LMNB2: variants seen among roughly 807,000 people sequenced by gnomAD.
LMNB2 encodes lamin B2, also known as lamin-B2.
Under a neutral mutation model 69.3 loss-of-function variants are expected in LMNB2, and 17 were observed. The observed-to-expected ratio is 0.25, with a 90% CI of 0.17 to 0.37. LMNB2 has a LOEUF of 0.37. Among genes scored for constraint, LMNB2 ranks in the 10% least tolerant of loss-of-function variants. The probability of loss-of-function intolerance (pLI) is 1.00; values close to 1 mark genes in which losing one functional copy is unlikely to be tolerated. For synonymous variants in LMNB2, 397 were observed against 389.3 expected (o/e 1.02, Z -0.23); for missense variants, 789 against 883.6 (o/e 0.89, Z 1.36).
chr19:2,448,265 C>T (rs1228565698), intron 1 of LMNB2, among the ~76,000 whole-genome samples: 1 of 152,122 alleles, frequency 6.6e-6, no homozygotes, highest in Non-Finnish European at 1.5e-5. Context: ...TCTGCCTCTC[C>T]CTCAAAGCTC....
intron 1 of LMNB2, among the ~76,000 whole-genome samples, chr19:2,445,077 C>A (rs1971940073): frequency 6.6e-6 from 1 of 152,154 alleles, no homozygotes; most frequent in African/African-American, 2.4e-5. Flanking sequence ...TCCCGCTGGG[C>A]ACCATGGACA....
intron 2 of LMNB2, among the ~76,000 whole-genome samples, chr19:2,440,202 T>C (rs1485711299): frequency 6.6e-6 from 1 of 151,694 alleles, no homozygotes; most frequent in Non-Finnish European, 1.5e-5. Context: ...CTTTTTTTTT[T>C]TTTTTGAGAT....
chr19:2,439,735 G>A (rs1971871931), intron 2 of LMNB2, among the ~76,000 whole-genome samples: 1 of 150,884 alleles, frequency 6.6e-6, no homozygotes, highest in African/African-American at 2.4e-5. Flanking sequence ...TCTCCCTAGA[G>A]CCTTTTTTTT....
intron 1 of LMNB2, among the ~76,000 whole-genome samples, chr19:2,454,901 T>C (rs534709817): frequency 3.9e-5 from 6 of 152,160 alleles, no homozygotes; most frequent in Admixed American, 3.3e-4. Context: ...TCATGTCCCC[T>C]TGGTGGGCAG....
At chr19:2,456,224 G>T (rs1481496728) in intron 1 of LMNB2, among the ~76,000 whole-genome samples, 2 of 149,018 alleles carry the variant, frequency 1.3e-5, no homozygotes, top group African/African-American at 5.0e-5. Context: ...GGTTCCCCGC[G>T]ACTGGGAGCC....
chr19:2,438,681 G>A (rs555591956), intron 2 of LMNB2, 150 bp from the exon 3 acceptor site: 59 of 930,476 alleles, frequency 6.3e-5, no homozygotes, highest in African/African-American at 5.7e-4. Context: ...GCGGCCCCAC[G>A]CGCCCAGGCA....
intron 9 of LMNB2, 21 bp from the exon 10 acceptor site, chr19:2,431,923 G>T: frequency 1.2e-6 from 2 of 1,603,814 alleles, no homozygotes; most frequent in African/African-American, 1.3e-5. Flanking sequence ...AATAACAATG[G>T]CCCCATCAGG....
At chr19:2,431,703 G>C (rs773901398) in intron 10 of LMNB2, 45 bp from the exon 11 acceptor site, 3 of 1,613,788 alleles carry the variant, frequency 1.9e-6, no homozygotes, top group African/African-American at 2.7e-5. Context: ...ATCGGGCCCA[G>C]AGCTGCTGTG....
In LMNB2 at chr19:2,432,407, A is replaced by T; in HGVS notation, c.1590+9T>A. The T allele has an allele frequency of 1.5e-6, 2 of 1,340,274 alleles. No homozygotes were observed. The highest frequency in any genetic ancestry group is 2.0e-6 in the Non-Finnish European group (2 of 1,025,410). The allele number at this position is 1,340,274 out of a possible 1,614,324, so 83.0% of individuals were successfully genotyped here. A position where few individuals can be genotyped will look rare whatever the true frequency, so the allele number is the denominator to read the frequency against. On this transcript the variant is annotated intron_variant, in intron 9 of 11. Coordinates refer to ENST00000325327, the MANE Select transcript of LMNB2 (RefSeq NM_032737.4). ...GTGGCCACCCTCGCCCTCCTGCCCC[A>T]CCACCTACCGTGACCATCTGGCCGG... is the stretch of plus-strand genomic sequence containing the variant.
At position 2,432,572 on chromosome 19, in the gene LMNB2, C is replaced by G. The variant is rs756853182; in HGVS notation, c.1483-49G>C. The G allele has an allele frequency of 3.4e-6, 5 of 1,469,564 alleles. No homozygotes were observed. The South Asian group carries it at 5.7e-5, about 17-fold the overall frequency. The allele number at this position is 1,469,564 out of a possible 1,614,324, so 91.0% of individuals were successfully genotyped here. ...ACCCTCAGCCACCAGGACTGTGACA[C>G]CGCCCCCATCGCCCTGGCTGGTGGC... On this transcript the variant is annotated intron_variant, in intron 8 of 11. Transcript: ENST00000325327.
At chr19:2,438,687 A>C (rs1230846009) in intron 2 of LMNB2, among the ~76,000 whole-genome samples, 156 bp from the exon 3 acceptor site, 1 of 152,192 alleles carries the variant, frequency 6.6e-6, no homozygotes, top group Non-Finnish European at 1.5e-5. Context: ...CCACGCGCCC[A>C]GGCAAAGGCA....
chr19:2,451,385 C>T (rs1024430433), intron 1 of LMNB2, among the ~76,000 whole-genome samples: 3 of 152,240 alleles, frequency 2.0e-5, no homozygotes, highest in Non-Finnish European at 4.4e-5. Context: ...TGGGCTAAGG[C>T]AGCTTTCATC....
intron 1 of LMNB2, among the ~76,000 whole-genome samples, 195 bp from the exon 2 acceptor site, chr19:2,444,735 A>G (rs1971934730): frequency 6.6e-6 from 1 of 152,156 alleles, no homozygotes; most frequent in Admixed American, 6.5e-5. Flanking sequence ...CCTGTCGGGG[A>G]GGGTCCGGTA....
In LMNB2 at chr19:2,433,966, C is replaced by T. The variant is rs376707935; in HGVS notation, c.1342G>A (p.Gly448Ser). Residue 448 changes from glycine (G) to serine (S), a missense_variant, in exon 8 of 12, where the codon GGC (glycine) becomes AGC (serine). Gly to Ser is a moderately conservative substitution (Grantham distance 56). Transcript: ENST00000325327. The stretch of plus-strand genomic sequence containing the variant: ...GTGCCCGTGCCCAGGACGCTTGGGC[C>T]GCTGCCCAAGGGCTCCTCCACCTCC... The part of the protein sequence containing the change: ...RLEVEEPLGS[G>S]PSVLGTGTGG... 16 of 1,611,218 alleles carry T rather than the reference C, an allele frequency of 9.9e-6. 1 individual carries two copies. Among genetic ancestry groups the T allele is most frequent in the East Asian group, 8.9e-5 (4 of 44,870 alleles).
chr19:2,436,155 C>T (rs1200914594), intron 4 of LMNB2, among the ~76,000 whole-genome samples: 1 of 152,034 alleles, frequency 6.6e-6, no homozygotes, highest in Admixed American at 6.5e-5. Flanking sequence ...TGGTGGCACC[C>T]GCCTATAATC....
At position 2,433,915 on chromosome 19, in the gene LMNB2, C is replaced by T. The variant is rs767288159; in HGVS notation, c.1393G>A (p.Ala465Thr). 2 of 1,612,148 alleles carry T rather than the reference C, an allele frequency of 1.2e-6. No individual in the cohort carries two copies. The highest frequency in any genetic ancestry group is 1.7e-6 in the Non-Finnish European group (2 of 1,179,416). ...GTGGSGGFHLAQQASASGSVS... is the reference protein window; with the variant it reads ...GTGGSGGFHLTQQASASGSVS... ...CTACCCGAGGCCGAGGCCTGCTGGG[C>T]CAGGTGGAAGCCACCGCTGCCACCC... The change falls in exon 8 of 12, where the codon GCC becomes ACC. Residue 465 changes from alanine (A) to threonine (T), a missense_variant. Ala to Thr is a moderately conservative substitution (Grantham distance 58). This residue lies in a region of LMNB2 where 609 missense variants were observed against 630.9 expected (regional missense o/e 0.97). Coordinates refer to ENST00000325327, the MANE Select transcript of LMNB2 (RefSeq NM_032737.4).
intron 2 of LMNB2, among the ~76,000 whole-genome samples, chr19:2,441,212 A>C (rs982614594): frequency 6.6e-6 from 1 of 152,222 alleles, no homozygotes; most frequent in African/African-American, 2.4e-5. Context: ...CTGCCAGGTA[A>C]AAGCATCCGT....
Position 2,430,756 on chromosome 19 carries a change from C to T in LMNB2, c.*155G>A. ...GCGAAGTGAGGCTGGAGGAGACCCG[C>T]CAGGAGGGAGGGCTGGGGGAGACCC... is the stretch of plus-strand genomic sequence containing the variant. On this transcript the variant is annotated 3_prime_UTR_variant, in exon 12 of 12. Transcript: ENST00000325327. 3 of 717,610 alleles carry T rather than the reference C, an allele frequency of 4.2e-6. No homozygotes were observed. Among genetic ancestry groups the T allele is most frequent in the South Asian group, 3.0e-5 (2 of 67,622 alleles). 44.5% of individuals were successfully genotyped at this position (717,610 alleles called of 1,614,324 possible).
intron 1 of LMNB2, among the ~76,000 whole-genome samples, chr19:2,455,978 C>T (rs1427496731): frequency 6.6e-6 from 1 of 151,542 alleles, no homozygotes; most frequent in Non-Finnish European, 1.5e-5. Context: ...GGTCTGCACC[C>T]CTGCCCAGGG....
Sources: allele counts gnomAD v4.1 joint callset (sites outside exome capture counted in the v4.1 genomes callset), GRCh38; gene constraint gnomAD v4.1.1; regional missense constraint gnomAD v4.1.1; transcripts MANE v1.5; gene names NCBI Gene and HGNC (gene_info 2026-07-23, HGNC 2026-07-21).